Variants in NRBP1 observed in about 807,000 individuals in gnomAD.
The protein encoded by NRBP1 is nuclear receptor binding protein 1.
NRBP1 carries 10 observed loss-of-function variants against 76.0 expected under a neutral mutation model. The observed-to-expected ratio is 0.13, with a 90% CI of 0.08 to 0.22. The LOEUF (loss-of-function observed/expected upper bound fraction) is 0.22, where lower values mean the gene tolerates loss of function less well. Among genes scored for constraint, NRBP1 ranks in the 10% least tolerant of loss-of-function variants. The pLI, the probability that NRBP1 is intolerant of heterozygous loss-of-function variation, is 1.00. For missense variants in NRBP1, 344 were observed against 646.0 expected, an observed-to-expected ratio of 0.53 and a Z score of 5.07; for synonymous variants, 235 against 240.2, an observed-to-expected ratio of 0.98 and a Z score of 0.20.
In NRBP1 at chr2:27,434,456, G is replaced by C. The variant is rs2148447667; in HGVS notation, c.436-15G>C. Reference sequence around the variant, plus strand: ...TCTACTATAAGGCCTTTTAGTAAGTGCTTTGCCTCCCCAGGTCATTTTTAT... The same window carrying C: ...TCTACTATAAGGCCTTTTAGTAAGTCCTTTGCCTCCCCAGGTCATTTTTAT... On this transcript the variant is annotated splice_polypyrimidine_tract_variant and intron_variant, in intron 4 of 17. Transcript: ENST00000379852. 1.3e-6 allele frequency: 2 copies of C among 1,592,178 alleles called. No individual in the cohort carries two copies. Among genetic ancestry groups the C allele is most frequent in the East Asian group, 4.5e-5 (2 of 44,788 alleles).
chr2:27,438,195 A>G (rs1664389669), intron 10 of NRBP1, among the ~76,000 whole-genome samples: 1 of 151,336 alleles, frequency 6.6e-6, no homozygotes, highest in South Asian at 2.1e-4. Flanking sequence ...AAAAAAAAGT[A>G]TGTTAATTTG....
intron 16 of NRBP1, 105 bp from the exon 17 acceptor site, chr2:27,441,462 G>T (rs901804291): frequency 6.9e-7 from 1 of 1,452,406 alleles, no homozygotes; most frequent in African/African-American, 1.4e-5. Flanking sequence ...AGACCCTAAA[G>T]CAGTGGGTGG....
intron 10 of NRBP1, 53 bp from the exon 11 acceptor site, chr2:27,439,713 A>G (rs755079113): frequency 3.8e-5 from 61 of 1,606,628 alleles, no homozygotes; most frequent in Non-Finnish European, 5.0e-5. Context: ...ATAAAGATGA[A>G]CACACTGGGG....
In NRBP1 at chr2:27,428,677, G is replaced by A. The variant is rs1275463485; in HGVS notation, c.-75G>A. On this transcript the variant is annotated 5_prime_UTR_variant, in exon 1 of 18. Coordinates refer to ENST00000379852, the MANE Select transcript of NRBP1 (RefSeq NM_013392.4). ...TGTGAGGGAGTCGCTGTGATCCGGG[G>A]CCCCGGAACCCGAGCTGGAGCTGAA... 1.0e-5 allele frequency: 4 copies of A among 398,072 alleles called. No individual in the cohort carries two copies. Among genetic ancestry groups the A allele is most frequent in the African/African-American group, 2.1e-5 (1 of 48,618 alleles). 24.7% of individuals were successfully genotyped at this position (398,072 alleles called of 1,614,324 possible). A position where few individuals can be genotyped will look rare whatever the true frequency, so the allele number is the denominator to read the frequency against.
Sources: gnomAD v4.1 joint callset for allele counts (sites outside exome capture counted in the v4.1 genomes callset) on GRCh38, gnomAD v4.1.1 for gene constraint, MANE v1.5 for transcripts, NCBI Gene and HGNC (gene_info 2026-07-23, HGNC 2026-07-21) for gene names.